DGKI: variants seen among roughly 807,000 people sequenced by gnomAD.
DGKI encodes the protein DAG kinase iota.
In DGKI, 55 loss-of-function variants were observed where a neutral mutation model predicts 147.5. The ratio of observed to expected loss-of-function variants is 0.37; its 90% CI spans 0.30 to 0.47. The LOEUF is 0.47. Ranked by LOEUF, DGKI falls within the 20% of genes least tolerant of loss-of-function variation. DGKI has a pLI of 1.00. For synonymous variants in DGKI, 469 were observed against 477.1 expected (o/e 0.98, Z 0.22); for missense variants, 1,007 against 1,323.8 (o/e 0.76, Z 3.71).
At position 137,687,045 on chromosome 7, in the gene DGKI, G is replaced by A. The variant is rs141491999; in HGVS notation, c.510+2849C>T. On this transcript the variant is annotated intron_variant, in intron 2 of 32. Coordinates refer to ENST00000614521, the MANE Select transcript of DGKI (RefSeq NM_001321708.2). Reference sequence around the variant, plus strand: ...AAGCCAGAGAATCATAGTAGTAGACGCCTTTGAGATGACCCCCATTGATTC... The same window carrying A: ...AAGCCAGAGAATCATAGTAGTAGACACCTTTGAGATGACCCCCATTGATTC... Among the ~76,000 whole-genome samples the A allele has an allele frequency of 3.0e-4, 45 of 152,208 alleles. No homozygotes were observed. In the East Asian group the frequency reaches 3.9e-3, roughly 13 times the overall value.
chr7:137,483,990 G>A (rs1815464043), intron 23 of DGKI, among the ~76,000 whole-genome samples: 1 of 152,004 alleles, frequency 6.6e-6, no homozygotes, highest in Non-Finnish European at 1.5e-5. Context: ...TAAAAAATTT[G>A]GTGGAAATTT....
Position 137,417,917 on chromosome 7 carries a change from T to A in DGKI, c.2762-5710A>T, listed in dbSNP as rs750295552. Reference sequence around the variant, plus strand: ...ATTTGCTAGCACCTTGATCTTGGTCTTCCCAGAATCCAGAACCATGAGCAA... The same window carrying A: ...ATTTGCTAGCACCTTGATCTTGGTCATCCCAGAATCCAGAACCATGAGCAA... On this transcript the variant is annotated intron_variant, in intron 28 of 32. Transcript: ENST00000614521. 7.8e-4 allele frequency among the ~76,000 whole-genome samples: 119 copies of A among 152,368 alleles called. No individual in the cohort carries two copies. The Middle Eastern group carries it at 0.014, about 17-fold the overall frequency.
At chr7:137,829,179 G>T (rs979000227) in intron 1 of DGKI, among the ~76,000 whole-genome samples, 15 of 152,230 alleles carry the variant, frequency 9.9e-5, no homozygotes, top group African/African-American at 2.9e-4. Flanking sequence ...GATGCAGTTT[G>T]CAAAGGAAAG....
chr7:137,586,077 C>T (rs991096070), intron 13 of DGKI, among the ~76,000 whole-genome samples: 3 of 152,100 alleles, frequency 2.0e-5, no homozygotes, highest in African/African-American at 7.2e-5. Flanking sequence ...TACTAAATAT[C>T]TGAATATAAT....
intron 1 of DGKI, among the ~76,000 whole-genome samples, chr7:137,725,073 G>A (rs908727604): frequency 6.6e-5 from 10 of 152,072 alleles, no homozygotes; most frequent in South Asian, 2.1e-4. Context: ...TGGGGAGGGC[G>A]AGAAGGTTTG....
Position 137,439,415 on chromosome 7 carries a change from G to A in DGKI, c.2761+4662C>T, listed in dbSNP as rs369550910. 9.2e-5 allele frequency among the ~76,000 whole-genome samples: 14 copies of A among 152,162 alleles called. No homozygotes were observed. In the East Asian group the frequency reaches 9.6e-4, roughly 10 times the overall value. Reference sequence around the variant, plus strand: ...AGGCCTCACAATCATGGCGGAAGACGAAGGAAGAACAAAGGGATGTCTTAC... The same window carrying A: ...AGGCCTCACAATCATGGCGGAAGACAAAGGAAGAACAAAGGGATGTCTTAC... On this transcript the variant is annotated intron_variant, in intron 28 of 32. Coordinates refer to ENST00000614521, the MANE Select transcript of DGKI (RefSeq NM_001321708.2).
intron 1 of DGKI, among the ~76,000 whole-genome samples, chr7:137,761,521 T>C (rs898303927): frequency 1.3e-5 from 2 of 152,220 alleles, no homozygotes; most frequent in African/African-American, 4.8e-5. Context: ...ATGACTATTT[T>C]CTTACCTGAA....
intron 1 of DGKI, among the ~76,000 whole-genome samples, chr7:137,750,808 T>A (rs1563180791): frequency 6.6e-6 from 1 of 152,208 alleles, no homozygotes; most frequent in African/African-American, 2.4e-5. Flanking sequence ...AGCATGCTAA[T>A]GAAGATCTTT....
At chr7:137,430,587 A>G (rs1213201462) in intron 28 of DGKI, among the ~76,000 whole-genome samples, 1 of 152,006 alleles carries the variant, frequency 6.6e-6, no homozygotes, top group Admixed American at 6.6e-5. Context: ...TTAAAAAAAG[A>G]AAAAGAATAT....
In DGKI at chr7:137,825,685, T is replaced by C. The variant is rs372977465; in HGVS notation, c.401+20777A>G. Among the ~76,000 whole-genome samples the C allele has an allele frequency of 2.8e-3, 423 of 149,198 alleles. 3 individuals carry two copies. The highest frequency in any genetic ancestry group is 0.01 in the African/African-American group (405 of 40,402). ...ACATACACACACTCACACACACACA[T>C]ACACACACACATACACATACACTCA... On this transcript the variant is annotated intron_variant, in intron 1 of 32. Coordinates refer to ENST00000614521, the MANE Select transcript of DGKI (RefSeq NM_001321708.2).
At chr7:137,463,687 G>A (rs1397409601) in intron 26 of DGKI, 76 bp from the exon 27 acceptor site, 28 of 1,553,008 alleles carry the variant, frequency 1.8e-5, no homozygotes, top group Non-Finnish European at 1.1e-5. Context: ...TTCTGAAGAT[G>A]AATCTTGCCA....
intron 20 of DGKI, among the ~76,000 whole-genome samples, chr7:137,548,385 G>C (rs749880590): frequency 3.9e-5 from 6 of 152,200 alleles, no homozygotes; most frequent in Non-Finnish European, 8.8e-5. Flanking sequence ...GGCCTGGTCA[G>C]AGGTGTTTGG....
intron 1 of DGKI, among the ~76,000 whole-genome samples, chr7:137,791,259 GA>G (rs35845071): frequency 6.6e-6 from 1 of 151,214 alleles, no homozygotes; most frequent in African/African-American, 2.4e-5. Flanking sequence ...ATATGAACTA[GA>G]AGAATACTTA....
At chr7:137,600,021 C>T (rs985068421) in intron 10 of DGKI, 116 bp from the exon 11 acceptor site, 33 of 876,912 alleles carry the variant, frequency 3.8e-5, no homozygotes, top group African/African-American at 6.7e-5. Context: ...CGGTGGCACA[C>T]GCCTGTAATC....
At chr7:137,780,221 AG>A (rs1796478934) in intron 1 of DGKI, among the ~76,000 whole-genome samples, 1 of 152,232 alleles carries the variant, frequency 6.6e-6, no homozygotes. Context: ...TAAACAACTA[AG>A]GGTTTCTAAG....
chr7:137,751,405 C>G (rs1341703087), intron 1 of DGKI, among the ~76,000 whole-genome samples: 1 of 152,182 alleles, frequency 6.6e-6, no homozygotes, highest in Non-Finnish European at 1.5e-5. Context: ...CACCGAGTAC[C>G]TCTCATAGCA....
chr7:137,673,986 A>T lies in DGKI; in HGVS notation c.606+4571T>A, dbSNP rs950415955. On this transcript the variant is annotated intron_variant, in intron 3 of 32. Transcript: ENST00000614521. ...TGAATGAATAAATGAATAAATGTAC[A>T]TAAAAATAAATGTCACCAAACGACA... Among the ~76,000 whole-genome samples, 4 of 152,264 alleles carry T rather than the reference A, an allele frequency of 2.6e-5. No homozygotes were observed. The South Asian group carries it at 8.3e-4, about 32-fold the overall frequency.
At chr7:137,719,408 C>T (rs894769238) in intron 1 of DGKI, among the ~76,000 whole-genome samples, 2 of 152,058 alleles carry the variant, frequency 1.3e-5, no homozygotes, top group Admixed American at 1.3e-4. Context: ...TATATCTCCA[C>T]GTCCCCCTGG....
intron 6 of DGKI, among the ~76,000 whole-genome samples, chr7:137,635,999 T>G (rs1821297429): frequency 6.6e-6 from 1 of 152,156 alleles, no homozygotes; most frequent in South Asian, 2.1e-4. Context: ...ATTTTTGTGT[T>G]AAGAGACTAG....
Sources: allele counts gnomAD v4.1 joint callset (sites outside exome capture counted in the v4.1 genomes callset), GRCh38; gene constraint gnomAD v4.1.1; transcripts MANE v1.5; gene names NCBI Gene and HGNC (gene_info 2026-07-23, HGNC 2026-07-21).